SLC9A9: variants seen among roughly 807,000 people sequenced by gnomAD.
SLC9A9 encodes the protein solute carrier family 9 member A9, also known as sodium/hydrogen exchanger 9.
In SLC9A9, 62 loss-of-function variants were observed where a neutral mutation model predicts 77.8. That is an observed-to-expected ratio of 0.80 (90% CI 0.65 to 0.98). The LOEUF (loss-of-function observed/expected upper bound fraction) is 0.98, where lower values mean the gene tolerates loss of function less well. SLC9A9 is among the 50% of genes least tolerant of loss of function. The pLI is 0.00. For missense variants in SLC9A9, 775 were observed against 774.9 expected, an observed-to-expected ratio of 1.00 and a Z score of 0.00; for synonymous variants, 320 against 283.5, an observed-to-expected ratio of 1.13 and a Z score of -1.29.
At chr3:143,501,297 G>A (rs1197619778) in intron 9 of SLC9A9, among the ~76,000 whole-genome samples, 1 of 150,638 alleles carries the variant, frequency 6.6e-6, no homozygotes, top group Non-Finnish European at 1.5e-5. Context: ...AACAATTAAA[G>A]AAATAAAGGA....
At chr3:143,372,010 A>T in intron 13 of SLC9A9, 1 of 428,644 alleles carries the variant, frequency 2.3e-6, no homozygotes, top group Non-Finnish European at 4.6e-6. Flanking sequence ...ATACTTAACC[A>T]AGGAGGTGAA....
intron 14 of SLC9A9, among the ~76,000 whole-genome samples, chr3:143,328,778 T>C (rs888943468): frequency 2.6e-5 from 4 of 152,224 alleles, no homozygotes; most frequent in Middle Eastern, 3.2e-3. Context: ...GCTTGATTTT[T>C]CCCCCTAATA....
In SLC9A9 at chr3:143,266,112, A is replaced by T. The variant is rs1419400655; in HGVS notation, c.*590T>A. 1.4e-6 allele frequency: 1 copy of T among 702,278 alleles called. No individual in the cohort carries two copies. The highest frequency in any genetic ancestry group is 2.6e-6 in the Non-Finnish European group (1 of 384,780). The allele number at this position is 702,278 out of a possible 1,614,324, so 43.5% of individuals were successfully genotyped here. A position where few individuals can be genotyped will look rare whatever the true frequency, so the allele number is the denominator to read the frequency against. Reference sequence around the variant, plus strand: ...TAGCATAAGAAGGATGCCAAGAAGAACAATAGGTTCTTCAACTCAGTGTGG... The same window carrying T: ...TAGCATAAGAAGGATGCCAAGAAGATCAATAGGTTCTTCAACTCAGTGTGG... On this transcript the variant is annotated 3_prime_UTR_variant, in exon 16 of 16. Coordinates refer to ENST00000316549, the MANE Select transcript of SLC9A9 (RefSeq NM_173653.4).
intron 2 of SLC9A9, among the ~76,000 whole-genome samples, chr3:143,814,585 G>A (rs2008956161): frequency 6.6e-6 from 1 of 152,196 alleles, no homozygotes; most frequent in African/African-American, 2.4e-5. Context: ...GAGTGAAATT[G>A]AAACTTCGGA....
Position 143,495,274 on chromosome 3 carries a change from G to A in SLC9A9, c.1203+61C>T, listed in dbSNP as rs531167190. 46 of 1,383,262 alleles carry A rather than the reference G, an allele frequency of 3.3e-5. No individual in the cohort carries two copies. In the Admixed American group the frequency reaches 4.0e-4, roughly 12 times the overall value. The allele number at this position is 1,383,262 out of a possible 1,614,324, so 85.7% of individuals were successfully genotyped here. A position where few individuals can be genotyped will look rare whatever the true frequency, so the allele number is the denominator to read the frequency against. On this transcript the variant is annotated intron_variant, in intron 10 of 15. Coordinates refer to ENST00000316549, the MANE Select transcript of SLC9A9 (RefSeq NM_173653.4). Reference sequence around the variant, plus strand: ...CTTTAATGATTTAACAGAATAATTCGTAAAAGTAAGTCATTCGTTATCTTC... The same window carrying A: ...CTTTAATGATTTAACAGAATAATTCATAAAAGTAAGTCATTCGTTATCTTC...
At chr3:143,354,862 A>G (rs1231175684) in intron 14 of SLC9A9, among the ~76,000 whole-genome samples, 1 of 152,228 alleles carries the variant, frequency 6.6e-6, no homozygotes, top group Admixed American at 6.5e-5. Context: ...CCATGGCTTC[A>G]CCTGAAAGGT....
At chr3:143,840,166 T>A (rs568948046) in intron 1 of SLC9A9, among the ~76,000 whole-genome samples, 2 of 152,310 alleles carry the variant, frequency 1.3e-5, no homozygotes, top group East Asian at 3.9e-4. Flanking sequence ...GTGAACTACA[T>A]ATTTGCATTT....
intron 4 of SLC9A9, among the ~76,000 whole-genome samples, chr3:143,767,355 T>C (rs997819893): frequency 2.0e-5 from 3 of 150,220 alleles, no homozygotes; most frequent in African/African-American, 7.4e-5. Flanking sequence ...ATTTGGTTTG[T>C]GAAACAGTAA....
At chr3:143,327,642 C>T (rs1395067745) in intron 14 of SLC9A9, among the ~76,000 whole-genome samples, 1 of 152,156 alleles carries the variant, frequency 6.6e-6, no homozygotes, top group African/African-American at 2.4e-5. Context: ...AAACATCTTC[C>T]ATCTATGGCC....
chr3:143,376,086 G>A (rs2033175035), intron 13 of SLC9A9, among the ~76,000 whole-genome samples: 2 of 152,176 alleles, frequency 1.3e-5, no homozygotes, highest in Admixed American at 6.5e-5. Context: ...TGCACTGTGA[G>A]TGAAGGATGA....
chr3:143,527,217 A>C (rs1388495287), intron 9 of SLC9A9, among the ~76,000 whole-genome samples: 1 of 152,212 alleles, frequency 6.6e-6, no homozygotes, highest in African/African-American at 2.4e-5. Flanking sequence ...CACAGATAGC[A>C]TGTAATGTAT....
intron 4 of SLC9A9, among the ~76,000 whole-genome samples, chr3:143,780,759 A>G (rs2007847319): frequency 6.6e-6 from 1 of 152,208 alleles, no homozygotes; most frequent in Non-Finnish European, 1.5e-5. Context: ...AAAACTGGCC[A>G]AGTGGACAGA....
intron 12 of SLC9A9, among the ~76,000 whole-genome samples, chr3:143,416,525 C>A (rs1158547224): frequency 6.6e-6 from 1 of 152,270 alleles, no homozygotes; most frequent in East Asian, 1.9e-4. Flanking sequence ...CTACTACTCA[C>A]TGAAGTATTA....
intron 6 of SLC9A9, among the ~76,000 whole-genome samples, chr3:143,621,464 C>G (rs574571159): frequency 1.0e-3 from 152 of 150,938 alleles, no homozygotes; most frequent in Non-Finnish European, 1.7e-3. Flanking sequence ...TACCAATATC[C>G]GCTGTTCTGC....
At chr3:143,606,971 T>C (rs1056088733) in intron 6 of SLC9A9, among the ~76,000 whole-genome samples, 1 of 111,262 alleles carries the variant, frequency 9.0e-6, no homozygotes, top group Non-Finnish European at 1.8e-5. Flanking sequence ...TTTGCTGTAG[T>C]AAAACTGTAC....
chr3:143,553,418 C>T (rs888236653), intron 8 of SLC9A9, among the ~76,000 whole-genome samples: 11 of 152,076 alleles, frequency 7.2e-5, no homozygotes, highest in African/African-American at 1.9e-4. Context: ...ATAAGTATTC[C>T]TCGACTCAGA....
chr3:143,662,646 A>T (rs2038997513), intron 5 of SLC9A9, among the ~76,000 whole-genome samples: 1 of 152,016 alleles, frequency 6.6e-6, no homozygotes, highest in Admixed American at 6.6e-5. Context: ...ACTCCAGGAG[A>T]TTATATCCTA....
At chr3:143,831,648 C>G (rs1279291691) in intron 2 of SLC9A9, among the ~76,000 whole-genome samples, 1 of 152,176 alleles carries the variant, frequency 6.6e-6, no homozygotes, top group Non-Finnish European at 1.5e-5. Context: ...AAGATTTGAA[C>G]TGCACTTTCA....
In SLC9A9 at chr3:143,389,662, A is replaced by G. The variant is rs114977970; in HGVS notation, c.1470-7548T>C. Among the ~76,000 whole-genome samples the G allele has an allele frequency of 4.3e-3, 649 of 152,304 alleles. 4 individuals are homozygous for G. The highest frequency in any genetic ancestry group is 0.015 in the African/African-American group (618 of 41,574). On this transcript the variant is annotated intron_variant, in intron 12 of 15. Transcript: ENST00000316549. ...CTCTCTACATTGTTATCAACTCAAG[A>G]AAAATAGCAACCCCCTCAGAGTTTT...
Sources: allele counts gnomAD v4.1 joint callset (sites outside exome capture counted in the v4.1 genomes callset), GRCh38; gene constraint gnomAD v4.1.1; transcripts MANE v1.5; gene names NCBI Gene and HGNC (gene_info 2026-07-23, HGNC 2026-07-21).